Variants in AGBL4 observed in about 807,000 individuals in gnomAD.
AGBL4 encodes the protein AGBL carboxypeptidase 4, also known as cytosolic carboxypeptidase 6.
In AGBL4, 58 loss-of-function variants were observed where a neutral mutation model predicts 66.4. The ratio of observed to expected loss-of-function variants is 0.87; its 90% CI spans 0.71 to 1.09. The LOEUF (loss-of-function observed/expected upper bound fraction) is 1.09, where lower values mean the gene tolerates loss of function less well. Ranked by LOEUF, AGBL4 falls within the 50% of genes least tolerant of loss-of-function variation. The pLI is 0.00. For synonymous variants in AGBL4, 234 were observed against 222.9 expected (o/e 1.05, Z -0.44); for missense variants, 579 against 631.0 (o/e 0.92, Z 0.88).
chr1:49,907,597 T>C (rs1042562739), intron 1 of AGBL4, among the ~76,000 whole-genome samples: 1 of 152,178 alleles, frequency 6.6e-6, no homozygotes, highest in Non-Finnish European at 1.5e-5. Context: ...ATTCCAACTA[T>C]GTGATATTCT....
intron 2 of AGBL4, among the ~76,000 whole-genome samples, chr1:49,811,692 C>T (rs1027670597): frequency 1.1e-4 from 17 of 152,032 alleles, no homozygotes; most frequent in African/African-American, 3.6e-4. Flanking sequence ...TGGGCTCAAG[C>T]AATCCTCCTG....
chr1:49,489,859 C>G (rs919572768), intron 3 of AGBL4, among the ~76,000 whole-genome samples: 1 of 151,606 alleles, frequency 6.6e-6, no homozygotes, highest in African/African-American at 2.4e-5. Flanking sequence ...TCTGGGTTCT[C>G]TATTCTTTTC....
intron 6 of AGBL4, among the ~76,000 whole-genome samples, chr1:48,854,854 C>T (rs998755559): frequency 3.9e-5 from 6 of 152,100 alleles, no homozygotes; most frequent in Non-Finnish European, 7.4e-5. Context: ...CTACAGCCAT[C>T]GTGAGACCAC....
At chr1:49,954,271 G>T in intron 1 of AGBL4, among the ~76,000 whole-genome samples, 1 of 151,910 alleles carries the variant, frequency 6.6e-6, no homozygotes, top group East Asian at 1.9e-4. Flanking sequence ...GGCTTTAAGT[G>T]TCCACCAAAA....
At chr1:49,140,781 T>C (rs1646102787) in intron 4 of AGBL4, among the ~76,000 whole-genome samples, 1 of 152,210 alleles carries the variant, frequency 6.6e-6, no homozygotes. Flanking sequence ...TATCCAGATC[T>C]TTTTCCTTTT....
At chr1:49,825,048 A>G (rs573465698) in intron 2 of AGBL4, among the ~76,000 whole-genome samples, 1 of 152,314 alleles carries the variant, frequency 6.6e-6, no homozygotes, top group Admixed American at 6.5e-5. Context: ...AACCACCCTG[A>G]TAAGTCACCC....
chr1:49,261,213 G>A (rs1218047903), intron 3 of AGBL4, among the ~76,000 whole-genome samples: 1 of 150,668 alleles, frequency 6.6e-6, no homozygotes, highest in East Asian at 2.0e-4. Flanking sequence ...TACTGAATGG[G>A]CAAAAACTGG....
chr1:50,005,441 C>T (rs1270189059), intron 1 of AGBL4, among the ~76,000 whole-genome samples: 1 of 152,124 alleles, frequency 6.6e-6, no homozygotes, highest in Non-Finnish European at 1.5e-5. Flanking sequence ...GTTTCAGGTG[C>T]CCCCAAATGC....
At chr1:49,783,258 C>T (rs1193272606) in intron 2 of AGBL4, among the ~76,000 whole-genome samples, 6 of 152,068 alleles carry the variant, frequency 3.9e-5, no homozygotes, top group African/African-American at 1.4e-4. Flanking sequence ...AACTAAAGAT[C>T]AATATCTTTT....
rs1008847859 is a variant in AGBL4, at chr1:48,534,897, G to T, written c.1384C>A (p.Gln462Lys). The change falls in exon 13 of 14, where the codon CAG becomes AAG. Residue 462 changes from glutamine (Q) to lysine (K), a missense_variant. Transcript: ENST00000371839. ...CTTGAAGCAGTTCCTTACCTTCTCT[G>T]GACTTCTATTTCTTTATTTCTAAAA... is the stretch of plus-strand genomic sequence containing the variant. ...PRLRNKEIEVQRRKEKSPPYK... is the reference protein window; with the variant it reads ...PRLRNKEIEVKRRKEKSPPYK... 1 of 1,551,276 alleles carries T rather than the reference G, an allele frequency of 6.4e-7. No homozygotes were observed. Among genetic ancestry groups the T allele is most frequent in the African/African-American group, 1.4e-5 (1 of 73,118 alleles).
intron 7 of AGBL4, among the ~76,000 whole-genome samples, chr1:48,655,899 C>A (rs983152982): frequency 2.6e-5 from 4 of 152,210 alleles, no homozygotes; most frequent in Non-Finnish European, 4.4e-5. Flanking sequence ...AAATAATTCT[C>A]AAGGATACTT....
chr1:50,019,253 A>G (rs1662229062), intron 1 of AGBL4, among the ~76,000 whole-genome samples: 1 of 145,866 alleles, frequency 6.9e-6, no homozygotes, highest in African/African-American at 2.6e-5. Context: ...TGCCTTTAGG[A>G]AAAAAAATAT....
intron 4 of AGBL4, among the ~76,000 whole-genome samples, chr1:49,074,836 CT>C (rs1365442603): frequency 6.6e-6 from 1 of 152,106 alleles, no homozygotes; most frequent in Non-Finnish European, 1.5e-5. Context: ...AGAAGGATAC[CT>C]TTCAGGGCAA....
intron 3 of AGBL4, among the ~76,000 whole-genome samples, chr1:49,329,005 G>C (rs1645277412): frequency 6.6e-6 from 1 of 152,164 alleles, no homozygotes; most frequent in Non-Finnish European, 1.5e-5. Flanking sequence ...CTCTGGACCA[G>C]CTATAATACC....
intron 2 of AGBL4, among the ~76,000 whole-genome samples, chr1:49,767,914 C>A (rs1007775969): frequency 6.6e-6 from 1 of 151,522 alleles, no homozygotes; most frequent in African/African-American, 2.4e-5. Context: ...AAATTGAAAC[C>A]CTGAAAAGAC....
At chr1:49,372,271 A>G (rs1286182905) in intron 3 of AGBL4, among the ~76,000 whole-genome samples, 1 of 152,200 alleles carries the variant, frequency 6.6e-6, no homozygotes, top group Non-Finnish European at 1.5e-5. Context: ...AAAAGAGTCT[A>G]TATAGTAAGT....
At chr1:49,415,895 T>C (rs1296863823) in intron 3 of AGBL4, among the ~76,000 whole-genome samples, 1 of 152,090 alleles carries the variant, frequency 6.6e-6, no homozygotes, top group Non-Finnish European at 1.5e-5. Flanking sequence ...AACCTGTGTC[T>C]TCCCACCATA....
chr1:49,941,894 C>T (rs1043693011), intron 1 of AGBL4, among the ~76,000 whole-genome samples: 2 of 151,474 alleles, frequency 1.3e-5, no homozygotes, highest in Non-Finnish European at 2.9e-5. Flanking sequence ...AGTAATTAGG[C>T]AAGAAAAAGA....
At chr1:49,644,202 A>G (rs1191099846) in intron 3 of AGBL4, among the ~76,000 whole-genome samples, 1 of 151,750 alleles carries the variant, frequency 6.6e-6, no homozygotes, top group African/African-American at 2.4e-5. Flanking sequence ...AATACAACAA[A>G]GAATTACAGC....
Sources: gnomAD v4.1 joint callset for allele counts (sites outside exome capture counted in the v4.1 genomes callset) on GRCh38, gnomAD v4.1.1 for gene constraint, MANE v1.5 for transcripts, NCBI Gene and HGNC (gene_info 2026-07-23, HGNC 2026-07-21) for gene names.